Variants in DCLK1 observed in about 807,000 individuals in gnomAD.
DCLK1 encodes the protein serine/threonine-protein kinase DCLK1.
Under a neutral mutation model 86.2 loss-of-function variants are expected in DCLK1, and 16 were observed. The observed-to-expected ratio is 0.19, with a 90% CI of 0.13 to 0.28. DCLK1 has a LOEUF of 0.28. DCLK1 is among the 10% of genes least tolerant of loss of function. The pLI is 1.00. For missense variants in DCLK1, 590 were observed against 940.2 expected, an observed-to-expected ratio of 0.63 and a Z score of 4.87; for synonymous variants, 369 against 370.5, an observed-to-expected ratio of 1.00 and a Z score of 0.05.
intron 3 of DCLK1, among the ~76,000 whole-genome samples, chr13:35,970,537 G>T (rs1385411957): frequency 3.9e-5 from 6 of 152,158 alleles, no homozygotes; most frequent in African/African-American, 1.4e-4. Context: ...TGTGTTTAAT[G>T]CATTCATAAA....
chr13:36,115,723 G>A (rs949394709), intron 2 of DCLK1, among the ~76,000 whole-genome samples: 5 of 151,466 alleles, frequency 3.3e-5, no homozygotes, highest in East Asian at 1.9e-4. Context: ...TAGAGAGAGA[G>A]ATAAAGAAAA....
chr13:35,901,425 G>A (rs1286087489), intron 4 of DCLK1, among the ~76,000 whole-genome samples: 1 of 145,646 alleles, frequency 6.9e-6, no homozygotes, highest in African/African-American at 2.6e-5. Flanking sequence ...AGGAGATGGA[G>A]GTTGCAGCGA....
At chr13:36,089,021 C>T (rs1305676898) in intron 3 of DCLK1, among the ~76,000 whole-genome samples, 1 of 152,056 alleles carries the variant, frequency 6.6e-6, no homozygotes, top group African/African-American at 2.4e-5. Context: ...TTTATTCTAT[C>T]TTTTTTTTAA....
intron 3 of DCLK1, among the ~76,000 whole-genome samples, chr13:36,057,771 G>A (rs138633876): frequency 4.9e-4 from 75 of 152,146 alleles, no homozygotes; most frequent in African/African-American, 1.8e-3. Context: ...GTAGAGAGAG[G>A]GATTTCAAAG....
At chr13:36,056,439 G>A (rs912653006) in intron 3 of DCLK1, among the ~76,000 whole-genome samples, 2 of 112,176 alleles carry the variant, frequency 1.8e-5, no homozygotes, top group Non-Finnish European at 3.6e-5. Flanking sequence ...ACACAGGAAG[G>A]GGAATATCAC....
chr13:35,773,521 C>G lies in DCLK1; in HGVS notation c.*1014G>C, dbSNP rs1299519585. The G allele has an allele frequency of 6.6e-6, 1 of 151,560 alleles. No individual in the cohort carries two copies. Among genetic ancestry groups the G allele is most frequent in the Non-Finnish European group, 1.5e-5 (1 of 67,886 alleles). The allele number at this position is 151,560 out of a possible 1,614,324, so 9.4% of individuals were successfully genotyped here. On this transcript the variant is annotated 3_prime_UTR_variant, in exon 17 of 17. Coordinates refer to ENST00000360631, the MANE Select transcript of DCLK1 (RefSeq NM_001330071.2). ...GCAACTGCCTCCAGTCCCCTTGTGCCCCAGCTCTCCTATGTGTGGATTTCA... is the reference window on the plus strand; with the variant it reads ...GCAACTGCCTCCAGTCCCCTTGTGCGCCAGCTCTCCTATGTGTGGATTTCA...
chr13:35,855,997 C>T (rs577024810), intron 5 of DCLK1: 18 of 410,826 alleles, frequency 4.4e-5, no homozygotes, highest in South Asian at 2.0e-4. Context: ...ATTGATTTTT[C>T]GCACTTGATG....
chr13:36,044,355 G>C (rs1882799622), intron 3 of DCLK1, among the ~76,000 whole-genome samples: 1 of 152,130 alleles, frequency 6.6e-6, no homozygotes, highest in African/African-American at 2.4e-5. Flanking sequence ...CATGAAAATG[G>C]TAAAGGGAAG....
At chr13:36,128,494 G>T (rs1304095932) in intron 1 of DCLK1, among the ~76,000 whole-genome samples, 1 of 152,086 alleles carries the variant, frequency 6.6e-6, no homozygotes, top group African/African-American at 2.4e-5. Flanking sequence ...AGTGACCTTG[G>T]ACAGGCCACA....
At chr13:35,815,421 G>A (rs1028741421) in intron 11 of DCLK1, among the ~76,000 whole-genome samples, 2 of 152,164 alleles carry the variant, frequency 1.3e-5, no homozygotes, top group African/African-American at 4.8e-5. Flanking sequence ...TGGAACAAAC[G>A]TAATTCTCAG....
At chr13:35,890,286 C>T (rs982836363) in intron 4 of DCLK1, among the ~76,000 whole-genome samples, 2 of 151,932 alleles carry the variant, frequency 1.3e-5, no homozygotes, top group Non-Finnish European at 2.9e-5. Context: ...ATATGCATAC[C>T]AGTATGTATA....
At chr13:35,848,157 C>G in intron 6 of DCLK1, 1 of 985,216 alleles carries the variant, frequency 1.0e-6, no homozygotes, top group Non-Finnish European at 1.2e-6. Flanking sequence ...GACAAAACTG[C>G]GTGGCTTTTG....
At chr13:35,777,967 GA>G (rs1317238039) in intron 16 of DCLK1, among the ~76,000 whole-genome samples, 11 of 152,302 alleles carry the variant, frequency 7.2e-5, no homozygotes, top group Non-Finnish European at 1.5e-5. Flanking sequence ...CCACTTTGTA[GA>G]CTCTTTGGAG....
chr13:35,807,550 T>C (rs181218541), intron 14 of DCLK1, among the ~76,000 whole-genome samples: 7 of 152,344 alleles, frequency 4.6e-5, no homozygotes, highest in Admixed American at 1.3e-4. Context: ...TCAGTATACA[T>C]TGAGCACCAG....
intron 11 of DCLK1, among the ~76,000 whole-genome samples, chr13:35,819,088 G>A (rs918325932): frequency 6.6e-6 from 1 of 152,034 alleles, no homozygotes; most frequent in Non-Finnish European, 1.5e-5. Context: ...CCACTCTGAC[G>A]TCCACCTGTC....
intron 4 of DCLK1, among the ~76,000 whole-genome samples, chr13:35,875,372 C>T (rs951252910): frequency 9.9e-5 from 15 of 152,186 alleles, no homozygotes; most frequent in Non-Finnish European, 2.1e-4. Flanking sequence ...CTGTGATCCA[C>T]AATGTGAATT....
intron 3 of DCLK1, among the ~76,000 whole-genome samples, chr13:35,999,322 G>A (rs1316173073): frequency 6.6e-6 from 1 of 152,162 alleles, no homozygotes; most frequent in Admixed American, 6.5e-5. Flanking sequence ...AATAGTCAAT[G>A]GATATGACAT....
At chr13:35,917,823 G>A (rs768126397) in intron 4 of DCLK1, among the ~76,000 whole-genome samples, 2 of 151,740 alleles carry the variant, frequency 1.3e-5, no homozygotes, top group Non-Finnish European at 2.9e-5. Context: ...GGGGCAGGGC[G>A]GGGAGGCCTC....
intron 4 of DCLK1, among the ~76,000 whole-genome samples, chr13:35,896,492 T>C (rs8001299): frequency 0.12 from 16,017 of 132,816 alleles, 1,260 homozygotes; most frequent in African/African-American, 0.24. Context: ...GAGCAAAGAT[T>C]GCGCCATTGC....
Sources: gnomAD v4.1 joint callset for allele counts (sites outside exome capture counted in the v4.1 genomes callset) on GRCh38, gnomAD v4.1.1 for gene constraint, MANE v1.5 for transcripts, NCBI Gene and HGNC (gene_info 2026-07-23, HGNC 2026-07-21) for gene names.